Variants in RBPJ observed in about 807,000 individuals in gnomAD.
RBPJ encodes the protein recombining binding protein suppressor of hairless.
In RBPJ, 9 loss-of-function variants were observed where a neutral mutation model predicts 67.8. That is an observed-to-expected ratio of 0.13 (90% CI 0.08 to 0.23). The LOEUF (loss-of-function observed/expected upper bound fraction) is 0.23. Among genes scored for constraint, RBPJ ranks in the 10% least tolerant of loss-of-function variants. The probability of loss-of-function intolerance (pLI) is 1.00; values close to 1 mark genes in which losing one functional copy is unlikely to be tolerated. For missense variants in RBPJ, 305 were observed against 595.6 expected, an observed-to-expected ratio of 0.51 and a Z score of 5.08; for synonymous variants, 198 against 203.3, an observed-to-expected ratio of 0.97 and a Z score of 0.22.
chr4:26,363,050 C>T (rs956555446), intron 1 of RBPJ, among the ~76,000 whole-genome samples: 3 of 152,178 alleles, frequency 2.0e-5, no homozygotes, highest in African/African-American at 7.2e-5. Flanking sequence ...TTTGATCAAA[C>T]AAAACAATTT....
At chr4:26,201,299 C>A (rs564927569) in intron 1 of RBPJ, among the ~76,000 whole-genome samples, 1 of 152,136 alleles carries the variant, frequency 6.6e-6, no homozygotes, top group South Asian at 2.1e-4. Context: ...ATGTTGGAGA[C>A]GGAAAAAGGA....
chr4:26,128,286 A>G, the RBPJ span, among the ~76,000 whole-genome samples: 33 of 152,248 alleles, frequency 2.2e-4, no homozygotes, highest in African/African-American at 7.7e-4. Context: ...TATGGCCTCC[A>G]GGGGCACTGA....
At chr4:26,233,514 G>A (rs965827646) in intron 1 of RBPJ, among the ~76,000 whole-genome samples, 1 of 152,106 alleles carries the variant, frequency 6.6e-6, no homozygotes, top group Non-Finnish European at 1.5e-5. Context: ...CTTCGTATGC[G>A]TCATGTTAGT....
At chr4:26,339,297 C>T (rs1051466964) in intron 1 of RBPJ, among the ~76,000 whole-genome samples, 5 of 152,092 alleles carry the variant, frequency 3.3e-5, no homozygotes, top group African/African-American at 4.8e-5. Flanking sequence ...AGTTTACCTG[C>T]GAGTTGGTAG....
At position 26,396,294 on chromosome 4, in the gene RBPJ, G is replaced by A. The variant is rs572176700; in HGVS notation, c.60-9881G>A. 4.6e-5 allele frequency among the ~76,000 whole-genome samples: 7 copies of A among 152,306 alleles called. No homozygotes were observed. In the South Asian group the frequency reaches 1.0e-3, roughly 23 times the overall value. Reference sequence around the variant, plus strand: ...GGGTAAATAATTCATATTAAAAAGGGTTGCAAATAAGATTCAACTTTATTT... The same window carrying A: ...GGGTAAATAATTCATATTAAAAAGGATTGCAAATAAGATTCAACTTTATTT... On this transcript the variant is annotated intron_variant, in intron 2 of 10. Transcript: ENST00000355476.
intron 4 of RBPJ, 30 bp downstream of exon 4, chr4:26,415,670 G>A: frequency 6.4e-7 from 1 of 1,560,636 alleles, no homozygotes; most frequent in Non-Finnish European, 8.7e-7. Context: ...TCACCAGAAA[G>A]GGGCACCATG....
At chr4:26,329,265 T>C (rs150686451) in intron 1 of RBPJ, among the ~76,000 whole-genome samples, 2,155 of 152,248 alleles carry the variant, frequency 0.014, 23 homozygotes, top group Non-Finnish European at 0.021. Context: ...AGTGCTAGGA[T>C]TACAGGCATG....
intron 2 of RBPJ, among the ~76,000 whole-genome samples, chr4:26,403,787 G>C (rs990679544): frequency 6.6e-6 from 1 of 151,890 alleles, no homozygotes; most frequent in African/African-American, 2.4e-5. Flanking sequence ...GTCTGTCACT[G>C]ATGGGCATTT....
intron 1 of RBPJ, among the ~76,000 whole-genome samples, chr4:26,364,625 C>CTTTTTTTTTTTTTTTTTTTTTTTTTTTTT (rs932946481): frequency 9.5e-6 from 1 of 105,514 alleles, no homozygotes; most frequent in Non-Finnish European, 2.0e-5. Flanking sequence ...TTTTCATTTT[C>CTTTTTTTTTTTTTTTTTTTTTTTTTTTTT]TTTTTTTTTT....
upstream of RBPJ, among the ~76,000 whole-genome samples, chr4:26,316,649 CATATT>C (rs1384463390): frequency 7.4e-6 from 1 of 134,708 alleles, no homozygotes; most frequent in Non-Finnish European, 1.6e-5. Context: ...TATATATACA[CATATT>C]GATATATATA....
upstream of RBPJ, chr4:26,320,851 T>C: frequency 6.4e-7 from 1 of 1,569,138 alleles, no homozygotes; most frequent in Non-Finnish European, 8.6e-7. Context: ...CAGGATCCCC[T>C]ACTCTGCGGG....
intron 1 of RBPJ, among the ~76,000 whole-genome samples, chr4:26,256,788 C>T (rs1296993462): frequency 5.9e-5 from 9 of 152,140 alleles, no homozygotes; most frequent in South Asian, 4.1e-4. Context: ...TTACAATCAC[C>T]GTATTTATGA....
chr4:26,407,894 T>C (rs1322941413), intron 3 of RBPJ, among the ~76,000 whole-genome samples: 1 of 130,848 alleles, frequency 7.6e-6, no homozygotes, highest in Non-Finnish European at 1.6e-5. Flanking sequence ...TTTTTTTTTT[T>C]TTTTTTTTTT....
chr4:26,144,461 G>A, the RBPJ span, among the ~76,000 whole-genome samples: 4 of 151,866 alleles, frequency 2.6e-5, no homozygotes, highest in Admixed American at 6.5e-5. Context: ...GTAGAGATGG[G>A]TTTTCGCCTT....
chr4:26,407,203 T>C (rs1255365787), intron 3 of RBPJ, among the ~76,000 whole-genome samples: 1 of 152,176 alleles, frequency 6.6e-6, no homozygotes, highest in East Asian at 1.9e-4. Context: ...AGTACCGTTT[T>C]GCAAAGGAAA....
At chr4:26,361,217 C>T (rs1728031420) in intron 1 of RBPJ, among the ~76,000 whole-genome samples, 2 of 152,072 alleles carry the variant, frequency 1.3e-5, no homozygotes, top group African/African-American at 4.8e-5. Context: ...TCTCTTGTTT[C>T]TGTTCTTCAT....
At position 26,264,283 on chromosome 4, in the gene RBPJ, TATTA is replaced by T. The variant is rs1366830384; in HGVS notation, c.-166-98159_-166-98156del. Reference sequence around the variant, plus strand: ...TTATTAATTCAAATCAATGAATACTTATTAATTCAGATCTTAGTAATTAATTATT... The same window carrying T: ...TTATTAATTCAAATCAATGAATACTTATTCAGATCTTAGTAATTAATTATT... On this transcript the variant is annotated intron_variant, in intron 1 of 4. Coordinates refer to the RBPJ transcript ENST00000512351. This position sits in a 1 kb window ranked among gnomAD's most constrained non-coding sequence, Gnocchi z 4.1. Among the ~76,000 whole-genome samples, 7 of 152,220 alleles carry T rather than the reference TATTA, an allele frequency of 4.6e-5. No individual in the cohort carries two copies. The highest frequency in any genetic ancestry group is 1.0e-4 in the Non-Finnish European group (7 of 68,038).
chr4:26,343,938 A>G (rs1577481877), intron 1 of RBPJ, among the ~76,000 whole-genome samples: 2 of 151,664 alleles, frequency 1.3e-5, no homozygotes, highest in Admixed American at 6.6e-5. Context: ...TTTAGTAGGG[A>G]GAGGGTTTCA....
chr4:26,107,476 AAC>A, the RBPJ span, among the ~76,000 whole-genome samples: 1 of 152,358 alleles, frequency 6.6e-6, no homozygotes, highest in South Asian at 2.1e-4. Flanking sequence ...AGTTCAAGAC[AAC>A]ACACAGCAGA....
Sources: allele counts gnomAD v4.1 joint callset (sites outside exome capture counted in the v4.1 genomes callset), GRCh38; gene constraint gnomAD v4.1.1; non-coding constraint Gnocchi (gnomAD v3.1); transcripts MANE v1.5; gene names NCBI Gene and HGNC (gene_info 2026-07-23, HGNC 2026-07-21).